Variants in ITPR2 observed in about 807,000 individuals in gnomAD.
ITPR2 encodes the protein inositol 1,4,5-trisphosphate receptor type 2, also known as inositol 1,4,5-trisphosphate-gated calcium channel ITPR2.
In ITPR2, 207 loss-of-function variants were observed where a neutral mutation model predicts 317.1. The observed-to-expected ratio is 0.65, with a 90% CI of 0.58 to 0.73. ITPR2 has a LOEUF of 0.73. Among genes scored for constraint, ITPR2 ranks in the 30% least tolerant of loss-of-function variants. The probability of loss-of-function intolerance (pLI) is 0.00; values close to 1 mark genes in which losing one functional copy is unlikely to be tolerated. For synonymous variants in ITPR2, 1,156 were observed against 1,149.1 expected, an observed-to-expected ratio of 1.01 and a Z score of -0.12; for missense variants, 2,613 against 3,284.0, an observed-to-expected ratio of 0.80 and a Z score of 4.99.
chr12:26,408,816 T>C (rs1940442904), intron 52 of ITPR2, among the ~76,000 whole-genome samples: 1 of 152,210 alleles, frequency 6.6e-6, no homozygotes, highest in African/African-American at 2.4e-5. Context: ...AGAAGACCAA[T>C]GCAAGCATAG....
chr12:26,785,736 C>T (rs1168281291), intron 2 of ITPR2, among the ~76,000 whole-genome samples: 1 of 29,574 alleles, frequency 3.4e-5, no homozygotes, highest in African/African-American at 9.9e-5. Context: ...CCAGCCGCCC[C>T]GTCCGGGAGG....
rs3058665 is a variant in ITPR2, at chr12:26,541,146, T to TAAAAA, written c.5073+9096_5073+9100dup. ...AACATGGTGAAACCCCATCTCTGCT[T>TAAAAA]AAAAAAAAAAAAAAAAAAAAATTAG... On this transcript the variant is annotated intron_variant, in intron 37 of 56. Transcript: ENST00000381340. Among the ~76,000 whole-genome samples, 394 of 110,050 alleles carry TAAAAA rather than the reference T, an allele frequency of 3.6e-3. 4 individuals are homozygous for TAAAAA. The highest frequency in any genetic ancestry group is 5.0e-3 in the Non-Finnish European group (277 of 55,486). The allele number at this position is 110,050 out of a possible 152,430, so 72.2% of individuals were successfully genotyped here. A position where few individuals can be genotyped will look rare whatever the true frequency, so the allele number is the denominator to read the frequency against.
intron 45 of ITPR2, among the ~76,000 whole-genome samples, chr12:26,466,229 C>T (rs971506502): frequency 2.0e-5 from 3 of 152,156 alleles, no homozygotes; most frequent in African/African-American, 7.2e-5. Flanking sequence ...CAGCTATGTG[C>T]ATTATTTCAT....
intron 21 of ITPR2, among the ~76,000 whole-genome samples, chr12:26,635,048 C>T (rs950103298): frequency 2.0e-5 from 3 of 152,182 alleles, no homozygotes; most frequent in East Asian, 3.9e-4. Flanking sequence ...ATACTGAGAG[C>T]GGTAACTGGG....
intron 3 of ITPR2, among the ~76,000 whole-genome samples, chr12:26,725,435 T>TA (rs1199229217): frequency 6.6e-6 from 1 of 152,168 alleles, no homozygotes; most frequent in Non-Finnish European, 1.5e-5. Flanking sequence ...TGGCACACCC[T>TA]AAAAAACAGC....
chr12:26,538,237 G>C (rs1944155117), intron 37 of ITPR2, among the ~76,000 whole-genome samples: 3 of 152,082 alleles, frequency 2.0e-5, no homozygotes, highest in African/African-American at 7.2e-5. Flanking sequence ...TGTTATGATT[G>C]TTAAACTAAC....
At chr12:26,516,280 G>GGAAGGGAAAGGAAGGGAAA (rs1565574580) in intron 37 of ITPR2, among the ~76,000 whole-genome samples, 872 of 45,196 alleles carry the variant, frequency 0.019, 94 homozygotes, top group Non-Finnish European at 0.025. Flanking sequence ...AGGAAGGGAA[G>GGAAGGGAAAGGAAGGGAAA]GGAAGGGAAA....
intron 55 of ITPR2, among the ~76,000 whole-genome samples, chr12:26,369,313 A>G (rs1338041140): frequency 6.6e-6 from 1 of 152,138 alleles, no homozygotes; most frequent in Non-Finnish European, 1.5e-5. Flanking sequence ...TCTTTGAGGC[A>G]TAGTCAGTAG....
chr12:26,790,134 A>T, intron 2 of ITPR2, 23 bp downstream of exon 2: 2 of 1,530,832 alleles, frequency 1.3e-6, no homozygotes, highest in South Asian at 1.1e-5. Flanking sequence ...TCACACAATT[A>T]AAAAAATATA....
intron 36 of ITPR2, among the ~76,000 whole-genome samples, chr12:26,552,244 G>A (rs542728429): frequency 4.1e-4 from 63 of 152,082 alleles, no homozygotes; most frequent in African/African-American, 1.3e-3. Flanking sequence ...GCTGGAGTGC[G>A]GTGATGTGAT....
intron 13 of ITPR2, among the ~76,000 whole-genome samples, chr12:26,675,133 G>T (rs924094743): frequency 1.3e-5 from 2 of 152,116 alleles, no homozygotes; most frequent in Non-Finnish European, 2.9e-5. Flanking sequence ...GTGGAAGTCA[G>T]TGTGGCAATT....
chr12:26,414,968 C>T (rs901505351), intron 51 of ITPR2, among the ~76,000 whole-genome samples: 5 of 151,786 alleles, frequency 3.3e-5, no homozygotes, highest in African/African-American at 1.2e-4. Flanking sequence ...TTTGGGGAGA[C>T]AGGGAAAAAG....
chr12:26,543,058 G>T (rs910747419), intron 37 of ITPR2, among the ~76,000 whole-genome samples: 1 of 152,100 alleles, frequency 6.6e-6, no homozygotes, highest in African/African-American at 2.4e-5. Flanking sequence ...GAAATAACTT[G>T]TAATGCTCTA....
intron 55 of ITPR2, among the ~76,000 whole-genome samples, chr12:26,360,628 T>G (rs1938795889): frequency 6.6e-6 from 1 of 152,202 alleles, no homozygotes. Context: ...TTATTTGGAT[T>G]TAAAATTTAT....
In ITPR2 at chr12:26,461,689, T is replaced by TAC. The variant is rs1555133712; in HGVS notation, c.6342+13606_6342+13607insGT. 6.5e-4 allele frequency among the ~76,000 whole-genome samples: 61 copies of TAC among 93,186 alleles called. 2 individuals are homozygous for TAC. Among genetic ancestry groups the TAC allele is most frequent in the African/African-American group, 1.8e-3 (47 of 26,078 alleles). 61.1% of individuals were successfully genotyped at this position (93,186 alleles called of 152,430 possible). On this transcript the variant is annotated intron_variant, in intron 45 of 56. Coordinates refer to ENST00000381340, the MANE Select transcript of ITPR2 (RefSeq NM_002223.4). The stretch of plus-strand genomic sequence containing the variant: ...ATATATATGCACACATACATATATA[T>TAC]ATACACACACACACACACACACACA...
At chr12:26,718,011 T>C (rs1356626156) in intron 5 of ITPR2, among the ~76,000 whole-genome samples, 3 of 152,256 alleles carry the variant, frequency 2.0e-5, no homozygotes, top group South Asian at 4.1e-4. Flanking sequence ...GGGAGCTTGA[T>C]GCCACATTTT....
At chr12:26,824,957 C>T (rs952485312) in intron 1 of ITPR2, among the ~76,000 whole-genome samples, 4 of 152,158 alleles carry the variant, frequency 2.6e-5, no homozygotes, top group Non-Finnish European at 4.4e-5. Context: ...ATGGGCTGGG[C>T]GCAGTGGCTC....
chr12:26,676,477 TA>T (rs75516235), intron 13 of ITPR2, among the ~76,000 whole-genome samples: 107 of 131,446 alleles, frequency 8.1e-4, no homozygotes, highest in Middle Eastern at 3.8e-3. Context: ...ACTCTGTCTC[TA>T]AAAAAAAAAA....
chr12:26,632,179 G>C (rs977434212), intron 21 of ITPR2, 120 bp from the exon 22 acceptor site: 1 of 610,238 alleles, frequency 1.6e-6, no homozygotes, highest in Non-Finnish European at 2.6e-6. Flanking sequence ...GGATAAGACA[G>C]AATAGCATAA....
Sources: allele counts gnomAD v4.1 joint callset (sites outside exome capture counted in the v4.1 genomes callset), GRCh38; gene constraint gnomAD v4.1.1; transcripts MANE v1.5; gene names NCBI Gene and HGNC (gene_info 2026-07-23, HGNC 2026-07-21).